The following APBA2 variants were observed in gnomAD, a reference collection of about 807,000 sequenced individuals.
APBA2 encodes the protein amyloid-beta A4 precursor protein-binding family A member 2.
APBA2 carries 30 observed loss-of-function variants against 75.0 expected under a neutral mutation model. The ratio of observed to expected loss-of-function variants is 0.40; its 90% confidence interval spans 0.30 to 0.54. The LOEUF is 0.54. Among genes scored for constraint, APBA2 ranks in the 20% least tolerant of loss-of-function variants. APBA2 has a pLI of 0.49. For synonymous variants in APBA2, 444 were observed against 409.6 expected (o/e 1.08, Z -1.01); for missense variants, 801 against 1,016.1 (o/e 0.79, Z 2.88).
intron 6 of APBA2, among the ~76,000 whole-genome samples, chr15:29,084,168 AAAT>A (rs1259801374): frequency 1.3e-5 from 2 of 152,192 alleles, no homozygotes; most frequent in Admixed American, 6.5e-5. Flanking sequence ...TATTTTTTAA[AAAT>A]AGATTTTTAG....
chr15:29,094,239 T>G, intron 7 of APBA2, 39 bp from the exon 8 acceptor site: 1 of 1,611,680 alleles, frequency 6.2e-7, no homozygotes, highest in Non-Finnish European at 8.5e-7. Flanking sequence ...TCCTTCTCTC[T>G]GTGCCAACTT....
intron 4 of APBA2, among the ~76,000 whole-genome samples, chr15:29,061,585 C>T (rs931582031): frequency 2.0e-5 from 3 of 152,220 alleles, no homozygotes; most frequent in Admixed American, 6.5e-5. Flanking sequence ...GAAGCATGGT[C>T]GAGGGCCCCG....
At chr15:29,081,834 C>T (rs1248204059) in intron 6 of APBA2, among the ~76,000 whole-genome samples, 1 of 152,204 alleles carries the variant, frequency 6.6e-6, no homozygotes, top group South Asian at 2.1e-4. Context: ...GTCAGTGCAG[C>T]AGTGAACAGC....
At chr15:28,894,191 A>T (rs1397222203) in intron 1 of APBA2, 2 of 152,246 alleles carry the variant, frequency 1.3e-5, no homozygotes, top group Non-Finnish European at 2.9e-5. Context: ...GCAGTGGTAG[A>T]ACCGGGGGCA....
intron 1 of APBA2, among the ~76,000 whole-genome samples, chr15:28,904,253 G>A (rs1042090065): frequency 1.3e-5 from 2 of 152,082 alleles, no homozygotes; most frequent in Non-Finnish European, 2.9e-5. Flanking sequence ...TGGGCACCCC[G>A]GCTCCCAGCA....
chr15:28,940,356 CAAAAAAAAAAAAAAA>C lies in APBA2; in HGVS notation c.-95+18624_-95+18638del, dbSNP rs398043111. 2.2e-3 allele frequency among the ~76,000 whole-genome samples: 86 copies of C among 38,450 alleles called. 1 individual carries two copies. Among genetic ancestry groups the C allele is most frequent in the African/African-American group, 5.7e-3 (78 of 13,776 alleles). The allele number at this position is 38,450 out of a possible 152,430, so 25.2% of individuals were successfully genotyped here. On this transcript the variant is annotated intron_variant, in intron 2 of 14. Transcript: ENST00000683413. ...TGAAACCCCGTCTCTACTAAAAATA[CAAAAAAAAAAAAAAA>C]AAAAAAAAAAAAAAAATAGCGGGGC...
chr15:29,004,033 T>C (rs1352236960), intron 3 of APBA2, among the ~76,000 whole-genome samples: 1 of 152,060 alleles, frequency 6.6e-6, no homozygotes, highest in East Asian at 1.9e-4. Context: ...ATGTGTGGGG[T>C]GGCAGCATTG....
chr15:28,979,749 C>T (rs555149333), intron 2 of APBA2, among the ~76,000 whole-genome samples: 1 of 152,130 alleles, frequency 6.6e-6, no homozygotes, highest in African/African-American at 2.4e-5. Flanking sequence ...GGCTCTCTGA[C>T]CCCGTAGGTT....
chr15:29,097,158 C>T (rs966923052), intron 8 of APBA2, among the ~76,000 whole-genome samples: 3 of 152,258 alleles, frequency 2.0e-5, no homozygotes, highest in Admixed American at 2.0e-4. Flanking sequence ...CTGATTAAAT[C>T]AGAAGGAAAG....
At chr15:28,989,141 C>T (rs1162247169) in intron 2 of APBA2, among the ~76,000 whole-genome samples, 1 of 151,810 alleles carries the variant, frequency 6.6e-6, no homozygotes, top group South Asian at 2.1e-4. Flanking sequence ...ACCTTTTTTT[C>T]TGTTTTCTTA....
At chr15:29,005,836 C>G (rs1307373288) in intron 3 of APBA2, among the ~76,000 whole-genome samples, 4 of 151,892 alleles carry the variant, frequency 2.6e-5, no homozygotes, top group Admixed American at 2.0e-4. Context: ...TGCACTCCAA[C>G]CTGGGCAACA....
chr15:29,095,918 C>T (rs1404577410), intron 8 of APBA2, among the ~76,000 whole-genome samples: 1 of 152,202 alleles, frequency 6.6e-6, no homozygotes, highest in Non-Finnish European at 1.5e-5. Flanking sequence ...GCCTCCTAGT[C>T]CAGCTGGAGC....
chr15:28,939,456 T>G (rs889676397), intron 2 of APBA2, among the ~76,000 whole-genome samples: 2 of 152,188 alleles, frequency 1.3e-5, no homozygotes, highest in Non-Finnish European at 2.9e-5. Context: ...GCTGCACCCA[T>G]TTACATTTCT....
At chr15:28,967,420 C>G (rs930307552) in intron 2 of APBA2, among the ~76,000 whole-genome samples, 4 of 152,150 alleles carry the variant, frequency 2.6e-5, no homozygotes, top group Non-Finnish European at 4.4e-5. Flanking sequence ...TCAGGTTCCT[C>G]TCTCCATCCC....
intron 2 of APBA2, among the ~76,000 whole-genome samples, chr15:28,992,695 G>T (rs1361460837): frequency 1.3e-5 from 2 of 152,156 alleles, no homozygotes; most frequent in Admixed American, 1.3e-4. Flanking sequence ...CCCAGGGCTG[G>T]GGGCTCAGGA....
chr15:28,968,537 G>T (rs529881691), intron 2 of APBA2, among the ~76,000 whole-genome samples: 32 of 152,234 alleles, frequency 2.1e-4, no homozygotes, highest in Non-Finnish European at 4.0e-4. Context: ...ACCTTTGCTG[G>T]ACTTGGTTCC....
At chr15:29,002,347 G>T (rs999536963) in intron 3 of APBA2, among the ~76,000 whole-genome samples, 2 of 152,182 alleles carry the variant, frequency 1.3e-5, no homozygotes, top group African/African-American at 4.8e-5. Flanking sequence ...GCAAAGAATT[G>T]CATTTCCATA....
Position 29,094,297 on chromosome 15 carries a change from A to G in APBA2, c.1235A>G (p.Lys412Arg). 3 of 1,614,236 alleles carry G rather than the reference A, an allele frequency of 1.9e-6. No individual in the cohort carries two copies. Among genetic ancestry groups the G allele is most frequent in the Non-Finnish European group, 2.5e-6 (3 of 1,180,032 alleles). ...SRVKRMQKAA[K>R]IKKKANSEGD... ...TGTCAGAGGATGCAAAAGGCTGCTA[A>G]GATCAAGAAAAAAGCGGTGTGTAGG... Residue 412 changes from lysine (K) to arginine (R), a missense_variant, in exon 8 of 15, where the codon AAG (lysine) becomes AGG (arginine). Lys to Arg is a conservative substitution (Grantham distance 26). Coordinates refer to ENST00000683413, the MANE Select transcript of APBA2 (RefSeq NM_001353788.2).
chr15:28,915,871 A>AC (rs1162785483), intron 1 of APBA2, among the ~76,000 whole-genome samples: 3 of 149,472 alleles, frequency 2.0e-5, no homozygotes, highest in African/African-American at 7.4e-5. Flanking sequence ...CCTCCAGGAC[A>AC]CCCCCCACCA....
Sources: gnomAD v4.1 joint callset for allele counts (sites outside exome capture counted in the v4.1 genomes callset) on GRCh38, gnomAD v4.1.1 for gene constraint, MANE v1.5 for transcripts, NCBI Gene and HGNC (gene_info 2026-07-23, HGNC 2026-07-21) for gene names.